SBF1: variants seen among roughly 807,000 people sequenced by gnomAD.
The protein encoded by SBF1 is SET binding factor 1, also known as myotubularin-related protein 5.
Under a neutral mutation model 215.8 loss-of-function variants are expected in SBF1, and 65 were observed. The ratio of observed to expected loss-of-function variants is 0.30; its 90% CI spans 0.25 to 0.37. The LOEUF (loss-of-function observed/expected upper bound fraction) is 0.37, where lower values mean the gene tolerates loss of function less well. Among genes scored for constraint, SBF1 ranks in the 10% least tolerant of loss-of-function variants. SBF1 has a pLI of 1.00. For synonymous variants in SBF1, 1,410 were observed against 1,122.8 expected (o/e 1.26, Z -5.11); for missense variants, 2,634 against 2,667.8 (o/e 0.99, Z 0.28).
chr22:50,451,749 C>A (rs1212064985), intron 36 of SBF1, among the ~76,000 whole-genome samples: 3 of 151,564 alleles, frequency 2.0e-5, no homozygotes, highest in East Asian at 1.9e-4. Flanking sequence ...AGAATCAACA[C>A]CAACTTCTAA....
chr22:50,455,887 C>T (rs987106620), intron 31 of SBF1: 1 of 565,496 alleles, frequency 1.8e-6, no homozygotes, highest in African/African-American at 1.9e-5. Flanking sequence ...AAGCCAGCAT[C>T]CTGTCAGTAC....
rs1346582398 is a variant in SBF1, at chr22:50,465,765, G to T, written c.1087C>A (p.Gln363Lys). 7 of 1,603,084 alleles carry T rather than the reference G, an allele frequency of 4.4e-6. No homozygotes were observed. The highest frequency in any genetic ancestry group is 6.0e-6 in the Non-Finnish European group (7 of 1,175,786). ...GCAGGAGCAGCAACGACCCCCACCT[G>T]CATCTTCAGGGAGGAGGTGGATGTC... ...PTTSTSSLKM[Q>K]DKELRAVFLR... is the part of the protein sequence containing the mutation. The change falls in exon 10 of 41, where the codon CAG becomes AAG. Residue 363 changes from glutamine (Q) to lysine (K), a missense_variant and splice_region_variant. Coordinates refer to ENST00000380817, the MANE Select transcript of SBF1 (RefSeq NM_002972.4).
chr22:50,470,979 G>T (rs1028468704), intron 1 of SBF1, among the ~76,000 whole-genome samples: 31 of 152,282 alleles, frequency 2.0e-4, no homozygotes, highest in African/African-American at 6.7e-4. Flanking sequence ...AGGGGGATGT[G>T]GGGGGTTTTG....
At chr22:50,462,147 G>A (rs1252349971) in intron 19 of SBF1, 28 bp from the exon 20 acceptor site, 8 of 1,610,038 alleles carry the variant, frequency 5.0e-6, no homozygotes, top group Non-Finnish European at 6.8e-6. Context: ...CTGTGGGCAT[G>A]GGCCCTGCCC....
At position 50,464,393 on chromosome 22, in the gene SBF1, C is replaced by T. The variant is rs760247212; in HGVS notation, c.1685G>A (p.Arg562Gln). 6 of 1,614,106 alleles carry T rather than the reference C, an allele frequency of 3.7e-6. No individual in the cohort carries two copies. The highest frequency in any genetic ancestry group is 1.3e-5 in the African/African-American group (1 of 75,078). ...CSGLHVNSAR[R>Q]LEVVRNCISY... ...GATGCAGTTGCGCACAACCTCCAGC[C>T]GCCGGGCGCTGTTGACATGCAGCCC... The change falls in exon 15 of 41, where the codon CGG becomes CAG. Residue 562 changes from arginine (R) to glutamine (Q), a missense_variant. Coordinates refer to ENST00000380817, the MANE Select transcript of SBF1 (RefSeq NM_002972.4).
intron 31 of SBF1, chr22:50,455,870 G>A (rs568733183): frequency 5.4e-5 from 31 of 569,718 alleles, no homozygotes; most frequent in Non-Finnish European, 6.9e-5. Flanking sequence ...GCCCTCCAGT[G>A]TTTACCAAGC....
Position 50,465,710 on chromosome 22 carries a change from G to C in SBF1, c.1089+53C>G, listed in dbSNP as rs1364738096. 2.0e-6 allele frequency: 3 copies of C among 1,502,128 alleles called. No homozygotes were observed. The South Asian group carries it at 3.7e-5, about 18-fold the overall frequency. The allele number at this position is 1,502,128 out of a possible 1,614,324, so 93.0% of individuals were successfully genotyped here. ...TGTGTCAGTGGCAGCAGACCTGAGTGGGGGCAGCCTAAGTGCCTGGGGTCC... is the reference window on the plus strand; with the variant it reads ...TGTGTCAGTGGCAGCAGACCTGAGTCGGGGCAGCCTAAGTGCCTGGGGTCC... On this transcript the variant is annotated intron_variant, in intron 10 of 40. Coordinates refer to ENST00000380817, the MANE Select transcript of SBF1 (RefSeq NM_002972.4).
chr22:50,472,728 T>A (rs2068039787), intron 1 of SBF1, among the ~76,000 whole-genome samples: 1 of 152,184 alleles, frequency 6.6e-6, no homozygotes, highest in African/African-American at 2.4e-5. Flanking sequence ...GCCACACTCC[T>A]CTGCTTCTTC....
At chr22:50,460,751 C>A in intron 23 of SBF1, 39 bp from the exon 24 acceptor site, 1 of 1,588,452 alleles carries the variant, frequency 6.3e-7, no homozygotes, top group South Asian at 1.1e-5. Flanking sequence ...TGTGGGTGGC[C>A]CCCCAGCCCC....
chr22:50,459,891 C>T (rs866667740), intron 26 of SBF1, 61 bp downstream of exon 26: 14 of 1,563,274 alleles, frequency 9.0e-6, no homozygotes, highest in Admixed American at 5.0e-5. Context: ...AGGCCCACAG[C>T]GGGCAGGGAA....
rs1556430296 is a variant in SBF1, at chr22:50,464,615, G to T, written c.1555C>A (p.Gln519Lys). The T allele has an allele frequency of 6.2e-7, 1 of 1,611,214 alleles. No homozygotes were observed. Among genetic ancestry groups the T allele is most frequent in the African/African-American group, 1.3e-5 (1 of 74,934 alleles). Residue 519 changes from glutamine to lysine, a missense_variant, in exon 14 of 41, where the codon CAG (glutamine) becomes AAG (lysine). Physicochemically the swap from Gln to Lys is moderately conservative, Grantham distance 53 (BLOSUM62 1). Coordinates refer to ENST00000380817, the MANE Select transcript of SBF1 (RefSeq NM_002972.4). Reference protein sequence around the residue: ...DEGTVQWIVDQAAAKMQGAPP... With the variant: ...DEGTVQWIVDKAAAKMQGAPP... Reference sequence around the variant, plus strand: ...GCACCCTGCATCTTGGCTGCAGCCTGGTCCACGATCCACTGCACGGTGCCC... The same window carrying T: ...GCACCCTGCATCTTGGCTGCAGCCTTGTCCACGATCCACTGCACGGTGCCC...
chr22:50,456,711 C>T, intron 29 of SBF1, 38 bp from the exon 30 acceptor site: 1 of 1,434,136 alleles, frequency 7.0e-7, no homozygotes, highest in Middle Eastern at 1.9e-4. Context: ...CAAAGGGGGC[C>T]AGGGCACCAC....
At position 50,446,913 on chromosome 22, in the gene SBF1, G is replaced by T; in HGVS notation, c.*229C>A. On this transcript the variant is annotated 3_prime_UTR_variant, in exon 41 of 41. Transcript: ENST00000380817. The stretch of plus-strand genomic sequence containing the variant: ...GCCGGACTATTTACAGGCCCATTGC[G>T]GGCTGTACCTTGGCCACCTCCCGGC... 1 of 729,820 alleles carries T rather than the reference G, an allele frequency of 1.4e-6. No individual in the cohort carries two copies. The allele number at this position is 729,820 out of a possible 1,614,324, so 45.2% of individuals were successfully genotyped here. A position where few individuals can be genotyped will look rare whatever the true frequency, so the allele number is the denominator to read the frequency against.
intron 2 of SBF1, 122 bp downstream of exon 2, chr22:50,468,254 C>T (rs1007747391): frequency 2.1e-6 from 2 of 943,258 alleles, no homozygotes; most frequent in African/African-American, 3.3e-5. Flanking sequence ...GCTCTGCTGT[C>T]TTGTCCCTAG....
rs537275979 is a variant in SBF1, at chr22:50,461,533, C to A, written c.2829G>T (p.Thr943=). 15 of 1,599,422 alleles carry A rather than the reference C, an allele frequency of 9.4e-6. No homozygotes were observed. In the South Asian group the frequency reaches 1.4e-4, roughly 15 times the overall value. ...AGTCTGCAGGCTCACCCAGGGGGTC[C>A]GTGGGCATCCCCGTGAAGATGACCC... ...TYRVIFTGMP[T]DPLVGEQVVV... is the part of the protein sequence containing the mutation. Residue 943 remains threonine, a synonymous_variant, in exon 22 of 41, where the codon ACG becomes ACT. Transcript: ENST00000380817.
Position 50,463,271 on chromosome 22 carries a change from A to C in SBF1, c.1899+12T>G. ...CCATGAGCCATGTCACTAGCAGGAT[A>C]AGAGGCCTCACCTGCAGGCAGCAGT... On this transcript the variant is annotated intron_variant, in intron 16 of 40. Transcript: ENST00000380817. 1 of 1,613,204 alleles carries C rather than the reference A, an allele frequency of 6.2e-7. No individual in the cohort carries two copies.
At chr22:50,474,374 GGAGCCACTA>G (rs1433183579) in intron 1 of SBF1, among the ~76,000 whole-genome samples, 1 of 152,220 alleles carries the variant, frequency 6.6e-6, no homozygotes, top group African/African-American at 2.4e-5. Context: ...CCGCGCCCCT[GGAGCCACTA>G]GAGCCACAGC....
rs2148591619 is a variant in SBF1, at chr22:50,462,714, G to C, written c.1972C>G (p.Leu658Val). 2 of 1,611,428 alleles carry C rather than the reference G, an allele frequency of 1.2e-6. No homozygotes were observed. The highest frequency in any genetic ancestry group is 4.5e-5 in the East Asian group (2 of 44,834). The part of the protein sequence containing the change: ...LPLVTAFCRK[L>V]SPGVTQFAYS... ...GCAAACTGCGTCACCCCCGGGCTCAGCTTCTGCAGGAGCCAGGGGAGAAGG... is the reference window on the plus strand; with the variant it reads ...GCAAACTGCGTCACCCCCGGGCTCACCTTCTGCAGGAGCCAGGGGAGAAGG... Residue 658 changes from leucine (L) to valine (V), a missense_variant, in exon 18 of 41, where the codon CTG (leucine) becomes GTG (valine). Coordinates refer to ENST00000380817, the MANE Select transcript of SBF1 (RefSeq NM_002972.4).
chr22:50,465,022 G>A lies in SBF1; in HGVS notation c.1311C>T (p.Arg437=), dbSNP rs769758818. The A allele has an allele frequency of 1.9e-6, 3 of 1,614,020 alleles. No homozygotes were observed. Among genetic ancestry groups the A allele is most frequent in the Non-Finnish European group, 2.5e-6 (3 of 1,179,976 alleles). The change falls in exon 12 of 41, where the codon CGC becomes CGT. Residue 437 remains arginine, a synonymous_variant. Transcript: ENST00000380817. ...GCACCTCATCGAACAGGTCCGTAGG[G>A]CGGTATGGGACCCCACGCTCTGACA... ...GFVSERGVPY[R]PTDLFDELVA... is the part of the protein sequence containing the mutation.
Sources: gnomAD v4.1 joint callset for allele counts (sites outside exome capture counted in the v4.1 genomes callset) on GRCh38, gnomAD v4.1.1 for gene constraint, MANE v1.5 for transcripts, NCBI Gene and HGNC (gene_info 2026-07-23, HGNC 2026-07-21) for gene names.